GPC5: variants seen among roughly 807,000 people sequenced by gnomAD.
GPC5 encodes the protein glypican-5.
A neutral mutation model predicts 53.9 loss-of-function variants in GPC5; 47 were observed. The ratio of observed to expected loss-of-function variants is 0.87; its 90% CI spans 0.69 to 1.11. The LOEUF (loss-of-function observed/expected upper bound fraction) is 1.11, where lower values mean the gene tolerates loss of function less well. Among genes scored for constraint, GPC5 ranks in the 50% most tolerant of loss-of-function variants. The pLI is 0.00. For missense variants in GPC5, 748 were observed against 713.1 expected, an observed-to-expected ratio of 1.05 and a Z score of -0.56; for synonymous variants, 286 against 263.3, an observed-to-expected ratio of 1.09 and a Z score of -0.84.
chr13:92,038,801 CA>C (rs1433198147), intron 6 of GPC5, among the ~76,000 whole-genome samples: 1 of 151,766 alleles, frequency 6.6e-6, no homozygotes, highest in Non-Finnish European at 1.5e-5. Context: ...TGAGCGAATG[CA>C]AACAGAGAAG....
At chr13:92,422,425 C>T (rs1274372994) in intron 7 of GPC5, among the ~76,000 whole-genome samples, 1 of 151,218 alleles carries the variant, frequency 6.6e-6, no homozygotes, top group Non-Finnish European at 1.5e-5. Flanking sequence ...AGGTCAATTT[C>T]CTACAGTGAC....
At position 92,846,097 on chromosome 13, in the gene GPC5, G is replaced by T. The variant is rs534641481; in HGVS notation, c.1562-20185G>T. ...AATTGACTTACAGTTCTGCAGGGCTGGTGAGGCCTCAGGAAACTTATAATC... is the reference window on the plus strand; with the variant it reads ...AATTGACTTACAGTTCTGCAGGGCTTGTGAGGCCTCAGGAAACTTATAATC... On this transcript the variant is annotated intron_variant, in intron 7 of 7. Transcript: ENST00000377067. Among the ~76,000 whole-genome samples the T allele has an allele frequency of 2.8e-4, 43 of 152,200 alleles. 1 individual carries two copies. In the Middle Eastern group the frequency reaches 0.01, roughly 36 times the overall value.
chr13:91,777,813 T>C (rs967570107), intron 5 of GPC5, among the ~76,000 whole-genome samples: 11 of 152,202 alleles, frequency 7.2e-5, no homozygotes, highest in Non-Finnish European at 1.6e-4. Flanking sequence ...AAAATACTTC[T>C]TAAAATCCCA....
chr13:92,588,937 T>C (rs757154145), intron 7 of GPC5, among the ~76,000 whole-genome samples: 17 of 152,184 alleles, frequency 1.1e-4, no homozygotes, highest in African/African-American at 4.1e-4. Context: ...CCAAGGTGTA[T>C]AGAAATCTCT....
chr13:92,138,096 A>C (rs1277380275), intron 6 of GPC5, among the ~76,000 whole-genome samples: 1 of 152,212 alleles, frequency 6.6e-6, no homozygotes, highest in East Asian at 1.9e-4. Flanking sequence ...AATGAAGTTT[A>C]TTAATCAAGA....
At chr13:92,295,719 T>C (rs1045057309) in intron 7 of GPC5, among the ~76,000 whole-genome samples, 2 of 152,348 alleles carry the variant, frequency 1.3e-5, no homozygotes, top group South Asian at 4.1e-4. Flanking sequence ...TGTCCCTCTT[T>C]GTCTCTTTTA....
At chr13:92,454,537 T>C (rs189625220) in intron 7 of GPC5, among the ~76,000 whole-genome samples, 1 of 152,260 alleles carries the variant, frequency 6.6e-6, no homozygotes, top group African/African-American at 2.4e-5. Flanking sequence ...TCATAATAAA[T>C]GCTCAAAAAT....
chr13:91,766,786 G>A (rs1354485470), intron 5 of GPC5, among the ~76,000 whole-genome samples: 1 of 152,140 alleles, frequency 6.6e-6, no homozygotes, highest in Admixed American at 6.5e-5. Context: ...CTTGAACCCG[G>A]GAGGTGGAGG....
At chr13:91,678,756 T>G (rs1372557281) in intron 2 of GPC5, among the ~76,000 whole-genome samples, 1 of 151,938 alleles carries the variant, frequency 6.6e-6, no homozygotes, top group Non-Finnish European at 1.5e-5. Context: ...TTTGTACATT[T>G]GTGGATCCTA....
chr13:91,984,013 A>G (rs916142556), intron 6 of GPC5, among the ~76,000 whole-genome samples: 1 of 152,170 alleles, frequency 6.6e-6, no homozygotes, highest in Non-Finnish European at 1.5e-5. Flanking sequence ...TCAAATAACC[A>G]TCGAAGTGAA....
intron 7 of GPC5, chr13:92,509,437 C>A (rs775811920): frequency 6.6e-6 from 1 of 152,186 alleles, no homozygotes; most frequent in East Asian, 1.9e-4. Flanking sequence ...TCTTGACACA[C>A]CTCTCGCCTT....
chr13:92,144,553 C>T (rs1487170677), intron 6 of GPC5, among the ~76,000 whole-genome samples: 2 of 152,134 alleles, frequency 1.3e-5, no homozygotes, highest in African/African-American at 2.4e-5. Context: ...GACAAACTGC[C>T]ATAAGCAAAG....
At chr13:91,644,164 G>T (rs553153636) in intron 2 of GPC5, among the ~76,000 whole-genome samples, 1 of 152,206 alleles carries the variant, frequency 6.6e-6, no homozygotes, top group South Asian at 2.1e-4. Context: ...TATTTCTATA[G>T]TATGTGTGTC....
intron 4 of GPC5, among the ~76,000 whole-genome samples, chr13:91,746,657 G>C (rs571549864): frequency 6.7e-4 from 102 of 152,284 alleles, no homozygotes; most frequent in African/African-American, 2.3e-3. Context: ...ATGTAGATTA[G>C]AGCCATAGGC....
At chr13:92,650,312 A>AATATATATATAT (rs1487813712) in intron 7 of GPC5, among the ~76,000 whole-genome samples, 1 of 152,140 alleles carries the variant, frequency 6.6e-6, no homozygotes, top group Non-Finnish European at 1.5e-5. Context: ...ATATCTTACA[A>AATATATATATAT]ATATAATCAT....
intron 7 of GPC5, among the ~76,000 whole-genome samples, chr13:92,358,258 C>T (rs576889437): frequency 6.6e-6 from 1 of 151,788 alleles, no homozygotes; most frequent in Non-Finnish European, 1.5e-5. Flanking sequence ...CCATGTCTCA[C>T]ATCTAGTCCA....
intron 7 of GPC5, among the ~76,000 whole-genome samples, chr13:92,493,524 T>C (rs1433012930): frequency 6.6e-6 from 1 of 152,058 alleles, no homozygotes; most frequent in Non-Finnish European, 1.5e-5. Context: ...CAGTAGTAGG[T>C]TTTGGTTGAG....
At chr13:92,681,558 G>A (rs1239831406) in intron 7 of GPC5, among the ~76,000 whole-genome samples, 1 of 152,072 alleles carries the variant, frequency 6.6e-6, no homozygotes, top group Non-Finnish European at 1.5e-5. Context: ...ATCTTATCAT[G>A]TTGCACCTTA....
intron 6 of GPC5, among the ~76,000 whole-genome samples, chr13:92,081,215 C>T (rs538632184): frequency 2.6e-5 from 4 of 152,094 alleles, no homozygotes; most frequent in Non-Finnish European, 5.9e-5. Flanking sequence ...GATTCTCCCA[C>T]CTCAGTCTTA....
Sources: gnomAD v4.1 joint callset for allele counts (sites outside exome capture counted in the v4.1 genomes callset) on GRCh38, gnomAD v4.1.1 for gene constraint, MANE v1.5 for transcripts, NCBI Gene and HGNC (gene_info 2026-07-23, HGNC 2026-07-21) for gene names.